Variants in BLVRA observed in about 807,000 individuals in gnomAD.
BLVRA encodes the protein biliverdin reductase A.
BLVRA carries 22 observed loss-of-function variants against 32.8 expected under a neutral mutation model. That is an observed-to-expected ratio of 0.67 (90% CI 0.48 to 0.96). The LOEUF (loss-of-function observed/expected upper bound fraction) is 0.96. Among genes scored for constraint, BLVRA ranks in the 40% least tolerant of loss-of-function variants. BLVRA has a pLI of 0.00. For synonymous variants in BLVRA, 119 were observed against 141.3 expected (o/e 0.84, Z 1.12); for missense variants, 323 against 358.1 (o/e 0.90, Z 0.79).
chr7:43,779,124 C>T (rs920415573), intron 2 of BLVRA, among the ~76,000 whole-genome samples: 4 of 152,240 alleles, frequency 2.6e-5, no homozygotes, highest in South Asian at 2.1e-4. Context: ...GGCACTGCCT[C>T]GCCCTGCTTC....
At chr7:43,759,156 C>T (rs913908353) in intron 1 of BLVRA, among the ~76,000 whole-genome samples, 2 of 152,234 alleles carry the variant, frequency 1.3e-5, no homozygotes, top group Non-Finnish European at 2.9e-5. Context: ...GGCCGGGACC[C>T]GCCTGGGATG....
intron 7 of BLVRA, among the ~76,000 whole-genome samples, chr7:43,806,562 C>A (rs987372931): frequency 6.6e-6 from 1 of 151,774 alleles, no homozygotes; most frequent in African/African-American, 2.4e-5. Flanking sequence ...GCTGACATGG[C>A]AAAACCCCAT....
chr7:43,784,598 CTTTTTTTTTTT>C (rs5883874), intron 2 of BLVRA, among the ~76,000 whole-genome samples: 3 of 85,238 alleles, frequency 3.5e-5, no homozygotes, highest in Non-Finnish European at 6.2e-5. Context: ...TCACTCATAT[CTTTTTTTTTTT>C]TTTTTTTTTT....
At chr7:43,776,800 G>T (rs938399393) in intron 2 of BLVRA, among the ~76,000 whole-genome samples, 4 of 152,048 alleles carry the variant, frequency 2.6e-5, no homozygotes, top group African/African-American at 9.7e-5. Context: ...GGTCACTCAG[G>T]ACTTGCTTTA....
intron 5 of BLVRA, among the ~76,000 whole-genome samples, chr7:43,798,313 G>A (rs969610579): frequency 6.6e-6 from 1 of 151,176 alleles, no homozygotes; most frequent in East Asian, 1.9e-4. Flanking sequence ...ACTTCATTAG[G>A]TGGTGTCTGA....
chr7:43,774,428 T>C (rs1012077779), intron 2 of BLVRA, among the ~76,000 whole-genome samples: 3 of 152,246 alleles, frequency 2.0e-5, no homozygotes, highest in Non-Finnish European at 2.9e-5. Context: ...TTGTCGGGTT[T>C]GTCAAAGATC....
At chr7:43,789,799 C>G (rs140613585) in intron 3 of BLVRA, among the ~76,000 whole-genome samples, 49 of 152,120 alleles carry the variant, frequency 3.2e-4, no homozygotes, top group African/African-American at 1.2e-3. Flanking sequence ...CTGGTGTATT[C>G]CTTTCCCACC....
chr7:43,785,291 T>C (rs994534055), intron 2 of BLVRA, among the ~76,000 whole-genome samples: 3 of 149,300 alleles, frequency 2.0e-5, no homozygotes, highest in African/African-American at 7.4e-5. Context: ...TACAGATTTC[T>C]CCAGAGGCTG....
At chr7:43,764,174 GC>G (rs2095745344) in intron 1 of BLVRA, 1 of 144,856 alleles carries the variant, frequency 6.9e-6, no homozygotes, top group Non-Finnish European at 1.5e-5. Context: ...TGCCCGCCCC[GC>G]CCCCGCACTT....
intron 5 of BLVRA, among the ~76,000 whole-genome samples, chr7:43,794,949 G>T (rs2095790118): frequency 6.6e-6 from 1 of 152,142 alleles, no homozygotes; most frequent in Non-Finnish European, 1.5e-5. Context: ...GGTGGCTCAT[G>T]CCTGTCATCC....
chr7:43,789,653 C>T (rs1405955840), intron 3 of BLVRA, among the ~76,000 whole-genome samples: 1 of 150,176 alleles, frequency 6.7e-6, no homozygotes, highest in African/African-American at 2.4e-5. Flanking sequence ...ACCTACACTA[C>T]CCAGGTTGTA....
intron 2 of BLVRA, among the ~76,000 whole-genome samples, chr7:43,783,237 G>C (rs2095772327): frequency 6.6e-6 from 1 of 152,134 alleles, no homozygotes; most frequent in Non-Finnish European, 1.5e-5. Context: ...TCCTATCCCT[G>C]TTTCCCAGCC....
intron 2 of BLVRA, among the ~76,000 whole-genome samples, chr7:43,778,874 C>G (rs1020546964): frequency 1.3e-5 from 2 of 152,262 alleles, no homozygotes; most frequent in Non-Finnish European, 2.9e-5. Flanking sequence ...GCCCCTCCCC[C>G]AGCCTTGCTG....
chr7:43,791,559 T>C (rs2095786119), intron 4 of BLVRA, 191 bp downstream of exon 4: 3 of 604,234 alleles, frequency 5.0e-6, no homozygotes, highest in Non-Finnish European at 8.7e-6. Flanking sequence ...TATAAGGAAG[T>C]GAAAAATAGT....
chr7:43,778,382 G>T (rs1279681516), intron 2 of BLVRA, among the ~76,000 whole-genome samples: 1 of 152,202 alleles, frequency 6.6e-6, no homozygotes, highest in South Asian at 2.1e-4. Flanking sequence ...TCAGTTGCAG[G>T]TCTGTTGGAG....
chr7:43,777,173 G>A (rs1215994008), intron 2 of BLVRA, among the ~76,000 whole-genome samples: 1 of 151,768 alleles, frequency 6.6e-6, no homozygotes, highest in African/African-American at 2.4e-5. Context: ...GTGTGAATTT[G>A]ATCCTGTCAT....
chr7:43,804,965 G>T (rs1563553883), intron 7 of BLVRA, among the ~76,000 whole-genome samples: 1 of 152,230 alleles, frequency 6.6e-6, no homozygotes, highest in African/African-American at 2.4e-5. Context: ...AAGGCAGAGA[G>T]GCCTGGCAGA....
intron 1 of BLVRA, among the ~76,000 whole-genome samples, chr7:43,762,913 G>A (rs1036521847): frequency 5.3e-5 from 8 of 151,972 alleles, no homozygotes; most frequent in Admixed American, 3.3e-4. Context: ...CACCGTGCCC[G>A]GCCCTTAACC....
In BLVRA at chr7:43,790,873, A is replaced by T. The variant is rs371478329; in HGVS notation, c.135-376A>T. Among the ~76,000 whole-genome samples, 169 of 152,262 alleles carry T rather than the reference A, an allele frequency of 1.1e-3. 3 individuals carry two copies. The South Asian group carries it at 0.033, about 30-fold the overall frequency. ...TTTTTTGTAGATACAGGTTTTCACC[A>T]TGTTGGCCAGGCTGGTCTTGAACTC... On this transcript the variant is annotated intron_variant, in intron 3 of 7. Coordinates refer to ENST00000265523, the MANE Select transcript of BLVRA (RefSeq NM_000712.4).
Sources: gnomAD v4.1 joint callset for allele counts (sites outside exome capture counted in the v4.1 genomes callset) on GRCh38, gnomAD v4.1.1 for gene constraint, MANE v1.5 for transcripts, NCBI Gene and HGNC (gene_info 2026-07-23, HGNC 2026-07-21) for gene names.